CNTNAP2: variants seen among roughly 807,000 people sequenced by gnomAD.
CNTNAP2 encodes the protein contactin-associated protein-like 2.
A neutral mutation model predicts 155.2 loss-of-function variants in CNTNAP2; 98 were observed. The observed-to-expected ratio is 0.63, with a 90% CI of 0.54 to 0.75. CNTNAP2 has a LOEUF of 0.75. Ranked by LOEUF, CNTNAP2 falls within the 30% of genes least tolerant of loss-of-function variation. The pLI is 0.00. For missense variants in CNTNAP2, 1,727 were observed against 1,688.1 expected, an observed-to-expected ratio of 1.02 and a Z score of -0.40; for synonymous variants, 651 against 631.2, an observed-to-expected ratio of 1.03 and a Z score of -0.47.
At position 148,295,649 on chromosome 7, in the gene CNTNAP2, G is replaced by T. The variant is rs1328437272; in HGVS notation, c.3475+28523G>T. 1.4e-5 allele frequency among the ~76,000 whole-genome samples: 2 copies of T among 141,392 alleles called. 1 individual carries two copies. Among genetic ancestry groups the T allele is most frequent in the Non-Finnish European group, 3.1e-5 (2 of 65,244 alleles). The allele number at this position is 141,392 out of a possible 152,430, so 92.8% of individuals were successfully genotyped here. ...TGGGACTACCGGTGCCCGCCACCGC[G>T]CCTGGCTAATTTTTTGTATTTTTAG... On this transcript the variant is annotated intron_variant, in intron 21 of 23. Transcript: ENST00000361727.
chr7:148,165,710 G>C (rs1166267223), intron 17 of CNTNAP2, among the ~76,000 whole-genome samples: 5 of 152,174 alleles, frequency 3.3e-5, no homozygotes, highest in Non-Finnish European at 5.9e-5. Context: ...CATAGAAGTA[G>C]ATCTTTGTGA....
intron 23 of CNTNAP2, among the ~76,000 whole-genome samples, chr7:148,412,800 A>G (rs1167158352): frequency 6.6e-6 from 1 of 152,190 alleles, no homozygotes; most frequent in Non-Finnish European, 1.5e-5. Context: ...ATCTTTCACT[A>G]TGAAATAGGA....
intron 1 of CNTNAP2, among the ~76,000 whole-genome samples, chr7:146,399,080 AC>A (rs532264856): frequency 7.1e-4 from 86 of 120,830 alleles, no homozygotes; most frequent in African/African-American, 2.9e-3. Context: ...TGACAAATAA[AC>A]ATATATATTT....
At chr7:147,307,341 T>C (rs541653757) in intron 9 of CNTNAP2, among the ~76,000 whole-genome samples, 2 of 152,144 alleles carry the variant, frequency 1.3e-5, no homozygotes, top group South Asian at 4.2e-4. Context: ...TCCCAGCACT[T>C]TGGGAGGCCG....
chr7:146,481,188 A>C (rs1412923377), intron 1 of CNTNAP2, among the ~76,000 whole-genome samples: 1 of 152,186 alleles, frequency 6.6e-6, no homozygotes, highest in Non-Finnish European at 1.5e-5. Context: ...CATTTGGTAT[A>C]TCTCCCAATA....
intron 2 of CNTNAP2, among the ~76,000 whole-genome samples, chr7:146,776,044 C>A (rs1354754852): frequency 6.6e-6 from 1 of 152,008 alleles, no homozygotes; most frequent in Non-Finnish European, 1.5e-5. Flanking sequence ...TAATATATTT[C>A]TCTCTCATAA....
At chr7:146,804,122 G>A (rs1300881923) in intron 2 of CNTNAP2, among the ~76,000 whole-genome samples, 2 of 152,020 alleles carry the variant, frequency 1.3e-5, no homozygotes, top group South Asian at 2.1e-4. Flanking sequence ...ATATATGCAG[G>A]CACAGTTTTA....
rs573490143 is a variant in CNTNAP2, at chr7:146,928,340, G to C, written c.402+88436G>C. On this transcript the variant is annotated intron_variant, in intron 3 of 23. Coordinates refer to ENST00000361727, the MANE Select transcript of CNTNAP2 (RefSeq NM_014141.6). ...AAAATTGATTTGTGTAATTTTCTAA[G>C]CACTGTGGATATGGATATGTTTCCA... 1.1e-3 allele frequency among the ~76,000 whole-genome samples: 170 copies of C among 152,220 alleles called. 1 individual carries two copies. Among genetic ancestry groups the C allele is most frequent in the Non-Finnish European group, 2.2e-3 (147 of 68,024 alleles).
At chr7:148,272,008 C>T (rs1796789436) in intron 21 of CNTNAP2, among the ~76,000 whole-genome samples, 1 of 152,026 alleles carries the variant, frequency 6.6e-6, no homozygotes, top group South Asian at 2.1e-4. Context: ...GCTCTAAATA[C>T]CTAAAATGAC....
At chr7:147,678,254 C>T (rs1356579896) in intron 13 of CNTNAP2, among the ~76,000 whole-genome samples, 6 of 151,744 alleles carry the variant, frequency 4.0e-5, no homozygotes, top group Non-Finnish European at 8.9e-5. Flanking sequence ...TTTCCCAATA[C>T]CAGGGCCATG....
intron 13 of CNTNAP2, among the ~76,000 whole-genome samples, chr7:147,800,164 CT>C (rs1162534100): frequency 3.9e-5 from 6 of 152,148 alleles, no homozygotes; most frequent in Non-Finnish European, 1.5e-5. Context: ...TTTGTCTATA[CT>C]CCCAAGTGTC....
At chr7:146,973,040 CTT>C (rs780484964) in intron 3 of CNTNAP2, among the ~76,000 whole-genome samples, 5 of 152,072 alleles carry the variant, frequency 3.3e-5, no homozygotes, top group African/African-American at 7.2e-5. Flanking sequence ...CTCTCTCTCT[CTT>C]TTTTAAAGGA....
intron 21 of CNTNAP2, among the ~76,000 whole-genome samples, chr7:148,346,197 C>T (rs1047515226): frequency 1.3e-5 from 2 of 152,138 alleles, no homozygotes; most frequent in Non-Finnish European, 2.9e-5. Context: ...GCAAGCGCAT[C>T]TTACTTCAAA....
chr7:146,813,073 G>T (rs370391725), intron 2 of CNTNAP2, among the ~76,000 whole-genome samples: 9 of 152,328 alleles, frequency 5.9e-5, no homozygotes, highest in African/African-American at 1.9e-4. Flanking sequence ...GCAGAAGTTT[G>T]CTGCAGGGGT....
intron 16 of CNTNAP2, among the ~76,000 whole-genome samples, chr7:148,123,480 G>C (rs899558197): frequency 3.9e-5 from 6 of 151,982 alleles, no homozygotes; most frequent in Non-Finnish European, 8.8e-5. Flanking sequence ...TAGTCCCTTA[G>C]CCTCCTGCCC....
At chr7:146,485,088 TC>T (rs1395367253) in intron 1 of CNTNAP2, among the ~76,000 whole-genome samples, 1 of 152,142 alleles carries the variant, frequency 6.6e-6, no homozygotes, top group East Asian at 1.9e-4. Flanking sequence ...GTAGTAATTA[TC>T]CTCTTTTCTT....
At chr7:146,961,694 C>T (rs1797560616) in intron 3 of CNTNAP2, among the ~76,000 whole-genome samples, 2 of 152,028 alleles carry the variant, frequency 1.3e-5, no homozygotes, top group South Asian at 2.1e-4. Context: ...TATTGTTGAG[C>T]TAGGGAATGC....
At chr7:146,245,143 A>C (rs1011191730) in intron 1 of CNTNAP2, among the ~76,000 whole-genome samples, 2 of 152,084 alleles carry the variant, frequency 1.3e-5, no homozygotes, top group Non-Finnish European at 2.9e-5. Flanking sequence ...TCAATAAATC[A>C]AGCGTGATCA....
At chr7:146,511,277 A>C (rs986133259) in intron 1 of CNTNAP2, among the ~76,000 whole-genome samples, 2 of 152,148 alleles carry the variant, frequency 1.3e-5, no homozygotes, top group Admixed American at 6.5e-5. Flanking sequence ...GATGATCTTT[A>C]TTTCTTTCTC....
Sources: allele counts gnomAD v4.1 joint callset (sites outside exome capture counted in the v4.1 genomes callset), GRCh38; gene constraint gnomAD v4.1.1; transcripts MANE v1.5; gene names NCBI Gene and HGNC (gene_info 2026-07-23, HGNC 2026-07-21).